The following PLAC1 variants were observed in gnomAD, a reference collection of about 807,000 sequenced individuals.
PLAC1 encodes placenta-specific protein 1.
For synonymous variants in PLAC1, 68 were observed against 62.1 expected (o/e 1.09, Z -0.44); for missense variants, 136 against 163.2 (o/e 0.83, Z 0.91).
upstream of PLAC1, among the ~76,000 whole-genome samples, chrX:134,660,509 A>G (rs775684331): frequency 8.9e-6 from 1 of 112,648 alleles, no homozygotes. Context: ...ATTGCAATGG[A>G]AAAAAGAACA....
intron 2 of PLAC1, among the ~76,000 whole-genome samples, chrX:134,731,916 A>G (rs2078689935): frequency 1.8e-5 from 2 of 111,597 alleles, no homozygotes; most frequent in African/African-American, 6.5e-5. Context: ...AGCTACACGG[A>G]GGGCTGAGGT....
intron 2 of PLAC1, among the ~76,000 whole-genome samples, chrX:134,691,982 G>A (rs1316192431): frequency 8.9e-6 from 1 of 112,176 alleles, no homozygotes. Flanking sequence ...GATGTGCTTG[G>A]AGGCTTTTGC....
At chrX:134,569,333 T>G (rs773874479) in intron 2 of PLAC1, among the ~76,000 whole-genome samples, 1 of 111,971 alleles carries the variant, frequency 8.9e-6, no homozygotes, top group Non-Finnish European at 1.9e-5. Context: ...ACTGAGTCAG[T>G]CTCAAAGGAA....
At chrX:134,638,381 C>A (rs1410166201) in intron 1 of PLAC1, among the ~76,000 whole-genome samples, 1 of 112,107 alleles carries the variant, frequency 8.9e-6, no homozygotes, top group Non-Finnish European at 1.9e-5. Context: ...TGTGAATGAG[C>A]AAAAAGTGAG....
At chrX:134,602,499 G>A (rs1054586232) in intron 1 of PLAC1, among the ~76,000 whole-genome samples, 2 of 112,579 alleles carry the variant, frequency 1.8e-5, no homozygotes, top group African/African-American at 6.5e-5. Flanking sequence ...GGTGCAAGAA[G>A]TAGAGGTTTC....
chrX:134,707,781 G>T (rs1360049394), intron 2 of PLAC1, among the ~76,000 whole-genome samples: 10 of 111,545 alleles, frequency 9.0e-5, no homozygotes, highest in African/African-American at 3.3e-4. Flanking sequence ...GATGGTTAAA[G>T]CAAAAAGTAA....
chrX:134,605,433 C>A (rs1051604748), intron 1 of PLAC1: 2 of 112,282 alleles, frequency 1.8e-5, no homozygotes, highest in African/African-American at 6.5e-5. Context: ...ATAAGATTCC[C>A]ATTTTTATTT....
At chrX:134,621,146 T>C (rs1262379301) in intron 1 of PLAC1, among the ~76,000 whole-genome samples, 2 of 110,868 alleles carry the variant, frequency 1.8e-5, no homozygotes, top group Admixed American at 1.9e-4. Context: ...TTTACTTGCT[T>C]ATGAAAAATA....
intron 2 of PLAC1, among the ~76,000 whole-genome samples, chrX:134,571,959 A>G (rs1159559060): frequency 8.9e-6 from 1 of 111,900 alleles, no homozygotes; most frequent in Non-Finnish European, 1.9e-5. Context: ...TCGTGACAGC[A>G]TAGTTATCAT....
Position 134,581,712 on chromosome X carries a change from C to A in PLAC1, c.-58-14972G>T, listed in dbSNP as rs773312158. Among the ~76,000 whole-genome samples, 75 of 110,725 alleles carry A rather than the reference C, an allele frequency of 6.8e-4. No individual in the cohort carries two copies. The Middle Eastern group carries it at 0.018, about 27-fold the overall frequency. On this transcript the variant is annotated intron_variant, in intron 2 of 2. Coordinates refer to ENST00000359237, the MANE Select transcript of PLAC1 (RefSeq NM_021796.4). ...CAGGCTGGTCTCAAACTCCTGACCT[C>A]AAGTGATCCACCCGCCTCGGCCTCC...
chrX:134,656,417 T>C (rs1311523066), intron 1 of PLAC1, among the ~76,000 whole-genome samples: 1 of 111,288 alleles, frequency 9.0e-6, no homozygotes, highest in Admixed American at 9.5e-5. Flanking sequence ...TAGGGGTCAC[T>C]CCAAGCCTCA....
chrX:134,579,445 T>C (rs1182394992), intron 2 of PLAC1, among the ~76,000 whole-genome samples: 1 of 112,091 alleles, frequency 8.9e-6, no homozygotes, highest in East Asian at 2.8e-4. Flanking sequence ...GCTTCCGGAC[T>C]ATGGCTCTAA....
chrX:134,703,268 A>C (rs749271634), intron 2 of PLAC1, among the ~76,000 whole-genome samples: 124 of 112,179 alleles, frequency 1.1e-3, no homozygotes, highest in Non-Finnish European at 1.9e-3. Flanking sequence ...ACAAATAGAA[A>C]ATTTTTAACC....
At chrX:134,673,998 T>G (rs1027285399) in intron 2 of PLAC1, among the ~76,000 whole-genome samples, 1 of 113,006 alleles carries the variant, frequency 8.8e-6, no homozygotes, top group Non-Finnish European at 1.9e-5. Flanking sequence ...TTCTAAAGCC[T>G]ACCACCCTTT....
chrX:134,733,162 G>A (rs1340388675), intron 2 of PLAC1, among the ~76,000 whole-genome samples: 1 of 110,943 alleles, frequency 9.0e-6, no homozygotes, highest in East Asian at 2.8e-4. Context: ...TTTCATTTCA[G>A]GGGGCTTCTC....
At chrX:134,608,823 C>G (rs761897336) in intron 1 of PLAC1, among the ~76,000 whole-genome samples, 1 of 108,670 alleles carries the variant, frequency 9.2e-6, no homozygotes, top group Admixed American at 9.8e-5. Context: ...CTACAGGCAC[C>G]CGCCACCATG....
intron 1 of PLAC1, among the ~76,000 whole-genome samples, chrX:134,641,769 C>G (rs1437957971): frequency 8.9e-6 from 1 of 112,119 alleles, no homozygotes; most frequent in Non-Finnish European, 1.9e-5. Flanking sequence ...TGAGTGCTAA[C>G]CACATAAGTT....
chrX:134,720,779 T>C (rs932065584), intron 2 of PLAC1, among the ~76,000 whole-genome samples: 26 of 112,563 alleles, frequency 2.3e-4, no homozygotes, highest in Non-Finnish European at 1.1e-4. Context: ...CTTCAGCCAC[T>C]TTAGTAGCTG....
intron 1 of PLAC1, among the ~76,000 whole-genome samples, chrX:134,625,468 A>G (rs1460948192): frequency 8.9e-6 from 1 of 112,218 alleles, no homozygotes; most frequent in Non-Finnish European, 1.9e-5. Flanking sequence ...GGCACTGACA[A>G]GCCCTTCAAA....
Sources: gnomAD v4.1 joint callset for allele counts (sites outside exome capture counted in the v4.1 genomes callset) on GRCh38, gnomAD v4.1.1 for gene constraint, MANE v1.5 for transcripts, NCBI Gene and HGNC (gene_info 2026-07-23, HGNC 2026-07-21) for gene names.